ERCC3: variants seen among roughly 807,000 people sequenced by gnomAD.
ERCC3 encodes the protein ERCC excision repair 3, TFIIH core complex helicase subunit.
ERCC3 carries 66 observed loss-of-function variants against 94.2 expected under a neutral mutation model. The ratio of observed to expected loss-of-function variants is 0.70; its 90% CI spans 0.57 to 0.86. The LOEUF (loss-of-function observed/expected upper bound fraction) is 0.86, where lower values mean the gene tolerates loss of function less well. Ranked by LOEUF, ERCC3 falls within the 40% of genes least tolerant of loss-of-function variation. The pLI is 0.00. For synonymous variants in ERCC3, 349 were observed against 369.1 expected (o/e 0.95, Z 0.63); for missense variants, 829 against 987.1 (o/e 0.84, Z 2.15).
Position 127,280,767 on chromosome 2 carries a change from TC to T in ERCC3, c.1343-137del. 2.5e-6 allele frequency: 2 copies of T among 802,204 alleles called. No individual in the cohort carries two copies. Among genetic ancestry groups the T allele is most frequent in the Non-Finnish European group, 4.1e-6 (2 of 490,830 alleles). The allele number at this position is 802,204 out of a possible 1,614,324, so 49.7% of individuals were successfully genotyped here. ...GTCTTGAACTCCTGGCCTCAAGCAA[TC>T]CCCCTGCCTTCGCCTCCCAAAGTGC... On this transcript the variant is annotated intron_variant, in intron 8 of 14. Transcript: ENST00000285398. This position sits in a 1 kb window ranked among gnomAD's most constrained non-coding sequence, Gnocchi z 6.3.
intron 8 of ERCC3, among the ~76,000 whole-genome samples, chr2:127,283,520 G>C (rs1684980250): frequency 6.6e-6 from 1 of 152,182 alleles, no homozygotes; most frequent in Admixed American, 6.5e-5. Flanking sequence ...TGGATATTAT[G>C]AACAGAGCTG....
chr2:127,275,246 A>T (rs4150476), intron 10 of ERCC3, among the ~76,000 whole-genome samples: 115,126 of 151,920 alleles, frequency 0.76, 43,841 homozygotes, highest in East Asian at 1. Context: ...CCCAAGCTGG[A>T]CTTGAACTCC....
chr2:127,285,937 C>A (rs1685050947), intron 8 of ERCC3, among the ~76,000 whole-genome samples: 1 of 151,050 alleles, frequency 6.6e-6, no homozygotes, highest in East Asian at 1.9e-4. Flanking sequence ...TATATATTTA[C>A]AAGGGGTGAT....
Position 127,257,740 on chromosome 2 carries a change from G to C in ERCC3, c.2218-13C>G. 1 of 1,614,078 alleles carries C rather than the reference G, an allele frequency of 6.2e-7. No individual in the cohort carries two copies. Among genetic ancestry groups the C allele is most frequent in the Non-Finnish European group, 8.5e-7 (1 of 1,180,006 alleles). Reference sequence around the variant, plus strand: ...AGCGCCGAGATGCCTGCCGGGAAGGGGGAACCAGCCCATGTTAGTCTCCAG... The same window carrying C: ...AGCGCCGAGATGCCTGCCGGGAAGGCGGAACCAGCCCATGTTAGTCTCCAG... On this transcript the variant is annotated splice_polypyrimidine_tract_variant and intron_variant, in intron 14 of 14. Coordinates refer to ENST00000285398, the MANE Select transcript of ERCC3 (RefSeq NM_000122.2). This position sits in a 1 kb window ranked among gnomAD's most constrained non-coding sequence, Gnocchi z 5.4.
At position 127,259,843 on chromosome 2, in the gene ERCC3, TC is replaced by T. The variant is rs1405798621; in HGVS notation, c.2065-396del. On this transcript the variant is annotated intron_variant, in intron 13 of 14. Transcript: ENST00000285398. The surrounding 1 kb of genome is among the most constrained non-coding windows in gnomAD (Gnocchi z 4.9). The stretch of plus-strand genomic sequence containing the variant: ...CACAGGCTGTGGCCCTTTGTGAAGG[TC>T]CCTGGCATCTGCTGTGCTCCGCAAC... 9.2e-6 allele frequency: 3 copies of T among 324,700 alleles called. No individual in the cohort carries two copies. The Admixed American group carries it at 1.3e-4, about 14-fold the overall frequency. The allele number at this position is 324,700 out of a possible 1,614,324, so 20.1% of individuals were successfully genotyped here. A position where few individuals can be genotyped will look rare whatever the true frequency, so the allele number is the denominator to read the frequency against.
chr2:127,260,439 GCTCAA>G (rs1684156085), intron 13 of ERCC3: 1 of 152,192 alleles, frequency 6.6e-6, no homozygotes, highest in Non-Finnish European at 1.5e-5. Flanking sequence ...AAAAAACTGG[GCTCAA>G]AACCCAAGCA....
At chr2:127,270,880 G>A (rs1055876823) in intron 12 of ERCC3, among the ~76,000 whole-genome samples, 4 of 152,206 alleles carry the variant, frequency 2.6e-5, no homozygotes, top group African/African-American at 9.7e-5. Context: ...CCACCAGGGC[G>A]GCACTCTGCA....
At position 127,271,356 on chromosome 2, in the gene ERCC3, C is replaced by G; in HGVS notation, c.1925G>C (p.Arg642Pro). The G allele has an allele frequency of 6.2e-7, 1 of 1,613,562 alleles. No homozygotes were observed. The highest frequency in any genetic ancestry group is 8.5e-7 in the Non-Finnish European group (1 of 1,179,552). The change falls in exon 12 of 15, where the codon CGG becomes CCG. Residue 642 changes from arginine to proline, a missense_variant. By Grantham distance (103) the Arg-to-Pro change is moderately radical. Coordinates refer to ENST00000285398, the MANE Select transcript of ERCC3 (RefSeq NM_000122.2). This position sits in a 1 kb window ranked among gnomAD's most constrained non-coding sequence, Gnocchi z 5.0. ...TTTACCTTTTTTAGCTCGAAGCACC[C>G]GCCCTAGCCTTTGGGCTTCCTGACG... Reference protein sequence around the residue: ...SRRQEAQRLGRVLRAKKGMVA... With the variant: ...SRRQEAQRLGPVLRAKKGMVA...
rs1278935659 is a variant in ERCC3 at position 127,292,740 on chromosome 2, T to C, written c.341A>G (p.His114Arg). The C allele has an allele frequency of 6.2e-7, 1 of 1,613,978 alleles. No individual in the cohort carries two copies. Among genetic ancestry groups the C allele is most frequent in the African/African-American group, 1.3e-5 (1 of 74,934 alleles). ...GGAGTAGGCAGTTAGTTTGTACTCA[T>C]GCACATGGGTTGGTCGGCACACTGG... is the stretch of plus-strand genomic sequence containing the variant. ...AEPVCRPTHV[H>R]EYKLTAYSLY... The change falls in exon 3 of 15, where the codon CAT becomes CGT. Residue 114 changes from histidine (H) to arginine (R), a missense_variant. Coordinates refer to ENST00000285398, the MANE Select transcript of ERCC3 (RefSeq NM_000122.2).
At position 127,274,337 on chromosome 2, in the gene ERCC3, G is replaced by GAA. The variant is rs1684666014; in HGVS notation, c.1731-1378_1731-1377dup. ...CTCAGAAAAAAAAAAAAAAGAAAAA[G>GAA]AAAAGAAAAAAATCCAGCCAGCCCT... is the stretch of plus-strand genomic sequence containing the variant. On this transcript the variant is annotated intron_variant, in intron 10 of 14. Transcript: ENST00000285398. This position sits in a 1 kb window ranked among gnomAD's most constrained non-coding sequence, Gnocchi z 4.0. Among the ~76,000 whole-genome samples, 1 of 150,596 alleles carries GAA rather than the reference G, an allele frequency of 6.6e-6. No homozygotes were observed. Among genetic ancestry groups the GAA allele is most frequent in the Non-Finnish European group, 1.5e-5 (1 of 67,562 alleles).
chr2:127,278,247 A>G (rs1373071674), intron 10 of ERCC3, among the ~76,000 whole-genome samples: 1 of 152,014 alleles, frequency 6.6e-6, no homozygotes, highest in Non-Finnish European at 1.5e-5. Flanking sequence ...CCAAAAAAAA[A>G]AAAAGAAAAA....
Position 127,258,159 on chromosome 2 carries a change from C to G in ERCC3, c.2218-432G>C, listed in dbSNP as rs77148463. On this transcript the variant is annotated intron_variant, in intron 14 of 14. Transcript: ENST00000285398. The surrounding 1 kb of genome is among the most constrained non-coding windows in gnomAD (Gnocchi z 4.1). ...TGTTGACCATGCTGGTCTCAAACTC[C>G]TGGACTCAACTGATCCTCCCGCCTA... 4.6e-5 allele frequency among the ~76,000 whole-genome samples: 7 copies of G among 152,236 alleles called. No individual in the cohort carries two copies. The East Asian group carries it at 1.2e-3, about 25-fold the overall frequency.
Position 127,279,338 on chromosome 2 carries a change from T to C in ERCC3, c.1565A>G (p.Tyr522Cys). ...TCGTTTCTTGGTTTTGATTGCCACA[T>C]ATTCCCGGTAAAATTCAGGAGACAT... ...CPMSPEFYREYVAIKTKKRIL... is the reference protein window; with the variant it reads ...CPMSPEFYRECVAIKTKKRIL... The change falls in exon 10 of 15, where the codon TAT (tyrosine) becomes TGT (cysteine). Residue 522 changes from tyrosine (Y) to cysteine (C), a missense_variant. Physicochemically the swap from Tyr to Cys is radical, Grantham distance 194. Coordinates refer to ENST00000285398, the MANE Select transcript of ERCC3 (RefSeq NM_000122.2). This position sits in a 1 kb window ranked among gnomAD's most constrained non-coding sequence, Gnocchi z 4.7. 6.2e-7 allele frequency: 1 copy of C among 1,614,186 alleles called. No individual in the cohort carries two copies. The highest frequency in any genetic ancestry group is 8.5e-7 in the Non-Finnish European group (1 of 1,180,004).
At chr2:127,293,966 C>T in intron 1 of ERCC3, 88 bp downstream of exon 1, 3 of 1,557,160 alleles carry the variant, frequency 1.9e-6, no homozygotes, top group South Asian at 2.3e-5. Flanking sequence ...GGTCGGCCGG[C>T]GCAGAGGCCC....
chr2:127,282,935 C>T (rs759961537), intron 8 of ERCC3, among the ~76,000 whole-genome samples: 3 of 152,176 alleles, frequency 2.0e-5, no homozygotes, highest in Non-Finnish European at 4.4e-5. Flanking sequence ...AAAACATGAA[C>T]GTGTACCAAA....
chr2:127,270,176 C>T (rs1225139966), intron 12 of ERCC3, among the ~76,000 whole-genome samples: 2 of 152,304 alleles, frequency 1.3e-5, no homozygotes, highest in African/African-American at 2.4e-5. Context: ...CACAGGTACA[C>T]ACCACCACGC....
At chr2:127,276,046 T>G (rs1180992899) in intron 10 of ERCC3, among the ~76,000 whole-genome samples, 2 of 152,094 alleles carry the variant, frequency 1.3e-5, no homozygotes, top group Non-Finnish European at 2.9e-5. Context: ...GCAGGCCACC[T>G]CCACTGGTGG....
chr2:127,286,660 TTG>T, intron 8 of ERCC3, 41 bp downstream of exon 8: 1 of 1,591,728 alleles, frequency 6.3e-7, no homozygotes, highest in Non-Finnish European at 8.6e-7. Flanking sequence ...GGAAATTGGT[TTG>T]TCTGTTCAGC....
intron 8 of ERCC3, among the ~76,000 whole-genome samples, chr2:127,283,319 G>A (rs989905336): frequency 5.9e-5 from 9 of 152,038 alleles, no homozygotes; most frequent in Admixed American, 3.3e-4. Flanking sequence ...CTATACTGTC[G>A]TTGTATAAAT....
Sources: gnomAD v4.1 joint callset for allele counts (sites outside exome capture counted in the v4.1 genomes callset) on GRCh38, gnomAD v4.1.1 for gene constraint, Gnocchi (gnomAD v3.1) non-coding constraint, MANE v1.5 for transcripts, NCBI Gene and HGNC (gene_info 2026-07-23, HGNC 2026-07-21) for gene names.